AGPS: variants seen among roughly 807,000 people sequenced by gnomAD.
AGPS encodes the protein alkylglycerone phosphate synthase.
A neutral mutation model predicts 90.7 loss-of-function variants in AGPS; 26 were observed. The observed-to-expected ratio is 0.29, with a 90% CI of 0.21 to 0.40. The LOEUF (loss-of-function observed/expected upper bound fraction) is 0.40. Among genes scored for constraint, AGPS ranks in the 10% least tolerant of loss-of-function variants. AGPS has a pLI of 1.00. For synonymous variants in AGPS, 294 were observed against 285.3 expected (o/e 1.03, Z -0.31); for missense variants, 540 against 816.1 (o/e 0.66, Z 4.12).
At chr2:177,405,714 G>T (rs1685451629) in intron 1 of AGPS, among the ~76,000 whole-genome samples, 2 of 139,526 alleles carry the variant, frequency 1.4e-5, no homozygotes, top group African/African-American at 5.3e-5. Context: ...TTCTGACCAT[G>T]GTTTTGCTGA....
intron 1 of AGPS, among the ~76,000 whole-genome samples, chr2:177,403,185 T>G (rs1277241238): frequency 6.6e-6 from 1 of 152,244 alleles, no homozygotes; most frequent in African/African-American, 2.4e-5. Flanking sequence ...CATGTAGGTC[T>G]ACTAAGGAAG....
At chr2:177,476,458 C>T (rs1687784089) in intron 10 of AGPS, among the ~76,000 whole-genome samples, 1 of 152,026 alleles carries the variant, frequency 6.6e-6, no homozygotes, top group Admixed American at 6.6e-5. Flanking sequence ...TTAATTTTCA[C>T]ATATTAGTTA....
At chr2:177,424,564 A>T (rs183193076) in intron 2 of AGPS, among the ~76,000 whole-genome samples, 12 of 152,306 alleles carry the variant, frequency 7.9e-5, no homozygotes, top group African/African-American at 2.9e-4. Flanking sequence ...TGAAACAGAA[A>T]GCAATATTTA....
rs1037586234 is a variant in AGPS, at chr2:177,440,838, C to A, written c.638-127C>A. On this transcript the variant is annotated intron_variant, in intron 5 of 19. Coordinates refer to ENST00000264167, the MANE Select transcript of AGPS (RefSeq NM_003659.4). ...AAAGTGTTTTAGTACTCAATTAACTCATTGTGTTAATGAGCAAATGAATGA... is the reference window on the plus strand; with the variant it reads ...AAAGTGTTTTAGTACTCAATTAACTAATTGTGTTAATGAGCAAATGAATGA... 2.0e-5 allele frequency: 15 copies of A among 739,034 alleles called. No homozygotes were observed. In the African/African-American group the frequency reaches 2.5e-4, roughly 12 times the overall value. The allele number at this position is 739,034 out of a possible 1,614,324, so 45.8% of individuals were successfully genotyped here.
chr2:177,522,756 G>A (rs1428337114), intron 18 of AGPS, among the ~76,000 whole-genome samples: 1 of 152,024 alleles, frequency 6.6e-6, no homozygotes, highest in Non-Finnish European at 1.5e-5. Context: ...ACACAGCCGA[G>A]GGTTCTTATA....
At chr2:177,394,719 C>G (rs1278309298) in intron 1 of AGPS, among the ~76,000 whole-genome samples, 1 of 152,172 alleles carries the variant, frequency 6.6e-6, no homozygotes, top group East Asian at 1.9e-4. Flanking sequence ...CTGAGAGTTT[C>G]AGTCACCGTC....
At chr2:177,414,445 G>A (rs550494723) in intron 1 of AGPS, among the ~76,000 whole-genome samples, 7 of 152,246 alleles carry the variant, frequency 4.6e-5, no homozygotes, top group East Asian at 3.9e-4. Context: ...CAAGGCTCAA[G>A]TTATCCTCCC....
At chr2:177,513,213 G>A (rs1688930633) in intron 16 of AGPS, among the ~76,000 whole-genome samples, 1 of 152,032 alleles carries the variant, frequency 6.6e-6, no homozygotes, top group Non-Finnish European at 1.5e-5. Context: ...TCCCACCTCA[G>A]CCTCCTGAGT....
At chr2:177,396,003 A>G (rs1456796176) in intron 1 of AGPS, among the ~76,000 whole-genome samples, 2 of 144,052 alleles carry the variant, frequency 1.4e-5, no homozygotes, top group East Asian at 4.5e-4. Context: ...AGTGAGAGAC[A>G]CAGTGCAGTT....
rs1158797315 is a variant in AGPS at position 177,541,519 on chromosome 2, A to T, written c.*3324A>T. The T allele has an allele frequency of 6.6e-6, 1 of 152,196 alleles. No homozygotes were observed. The highest frequency in any genetic ancestry group is 1.9e-4 in the East Asian group (1 of 5,194). The allele number at this position is 152,196 out of a possible 1,614,324, so 9.4% of individuals were successfully genotyped here. A position where few individuals can be genotyped will look rare whatever the true frequency, so the allele number is the denominator to read the frequency against. The stretch of plus-strand genomic sequence containing the variant: ...ATGTGCTGGTGCTTGAGGCAGCCAA[A>T]ATGGAATGCTGTGGAAAGCATATCT... On this transcript the variant is annotated 3_prime_UTR_variant, in exon 20 of 20. Transcript: ENST00000264167.
At chr2:177,440,899 A>T (rs931978503) in intron 5 of AGPS, 66 bp from the exon 6 acceptor site, 1 of 1,384,624 alleles carries the variant, frequency 7.2e-7, no homozygotes. Flanking sequence ...GTAGGTTCTT[A>T]TTTGCCAAGG....
intron 17 of AGPS, among the ~76,000 whole-genome samples, chr2:177,518,232 G>C (rs1411480267): frequency 1.3e-5 from 2 of 152,120 alleles, no homozygotes; most frequent in East Asian, 1.9e-4. Context: ...TCAGGAGTTT[G>C]AGACCAGCCT....
chr2:177,472,289 T>A (rs1315125846), intron 10 of AGPS, among the ~76,000 whole-genome samples: 7 of 151,948 alleles, frequency 4.6e-5, no homozygotes, highest in African/African-American at 1.7e-4. Context: ...ATGCCCTGTA[T>A]TAAGTTTTAA....
chr2:177,455,504 G>A (rs1687086739), intron 8 of AGPS, among the ~76,000 whole-genome samples: 1 of 151,864 alleles, frequency 6.6e-6, no homozygotes, highest in South Asian at 2.1e-4. Flanking sequence ...ATGTTGCCCA[G>A]GTTGGTCTTG....
At chr2:177,473,216 G>T (rs1687680685) in intron 10 of AGPS, among the ~76,000 whole-genome samples, 1 of 152,142 alleles carries the variant, frequency 6.6e-6, no homozygotes, top group Non-Finnish European at 1.5e-5. Flanking sequence ...TCTAGGTCCT[G>T]TGTGGCTTTG....
chr2:177,476,262 A>G (rs1026445996), intron 10 of AGPS, among the ~76,000 whole-genome samples: 11 of 151,860 alleles, frequency 7.2e-5, no homozygotes, highest in Admixed American at 5.9e-4. Flanking sequence ...TTAAGGTAGA[A>G]GGTTAGGCTA....
intron 17 of AGPS, among the ~76,000 whole-genome samples, chr2:177,517,486 T>C (rs936644938): frequency 2.0e-5 from 3 of 152,200 alleles, no homozygotes; most frequent in African/African-American, 4.8e-5. Flanking sequence ...CTCATACTTA[T>C]TTCTTTTAAC....
intron 7 of AGPS, among the ~76,000 whole-genome samples, chr2:177,443,420 A>G (rs570958972): frequency 3.3e-5 from 5 of 152,314 alleles, no homozygotes; most frequent in African/African-American, 9.6e-5. Flanking sequence ...TGTAGTATAG[A>G]ATGTCATATT....
Position 177,441,040 on chromosome 2 carries a change from G to A in AGPS, c.709+4G>A. 1 of 1,606,024 alleles carries A rather than the reference G, an allele frequency of 6.2e-7. No individual in the cohort carries two copies. Among genetic ancestry groups the A allele is most frequent in the South Asian group, 1.1e-5 (1 of 90,442 alleles). ...CTTTGTATCATACCAATTGGTGGTA[G>A]GTATTGTGCCTTTTGAATTTTAATA... On this transcript the variant is annotated splice_donor_region_variant and intron_variant, in intron 6 of 19. Transcript: ENST00000264167.
Sources: allele counts gnomAD v4.1 joint callset (sites outside exome capture counted in the v4.1 genomes callset), GRCh38; gene constraint gnomAD v4.1.1; transcripts MANE v1.5; gene names NCBI Gene and HGNC (gene_info 2026-07-23, HGNC 2026-07-21).